Variants in IL3RA observed in about 807,000 individuals in gnomAD.
IL3RA encodes interleukin 3 receptor subunit alpha.
In IL3RA, 73 loss-of-function variants were observed where a neutral mutation model predicts 52.3. The observed-to-expected ratio is 1.40, with a 90% CI of 1.16 to 1.70. IL3RA has a LOEUF of 1.70. Ranked by LOEUF, IL3RA falls within the 40% of genes most tolerant of loss-of-function variation. The pLI, the probability that IL3RA is intolerant of heterozygous loss-of-function variation, is 0.00. For synonymous variants in IL3RA, 260 were observed against 194.0 expected, an observed-to-expected ratio of 1.34 and a Z score of -2.83; for missense variants, 664 against 504.4, an observed-to-expected ratio of 1.32 and a Z score of -3.03.
chrX:1,353,583 T>A (rs2086307845), intron 6 of IL3RA, among the ~76,000 whole-genome samples: 1 of 92,040 alleles, frequency 1.1e-5, no homozygotes, highest in Non-Finnish European at 2.2e-5. Flanking sequence ...CCATCATGGG[T>A]TCCACATGGG....
At chrX:1,356,720 C>T (rs779015290) in intron 7 of IL3RA, among the ~76,000 whole-genome samples, 8 of 150,436 alleles carry the variant, frequency 5.3e-5, no homozygotes, top group African/African-American at 2.0e-4. Flanking sequence ...TGCAGTGAGC[C>T]GAGATCGCGC....
rs748511687 is a variant in IL3RA, at chrX:1,378,628, G to A, written c.875-31G>A. On this transcript the variant is annotated intron_variant, in intron 9 of 11. Coordinates refer to ENST00000331035, the MANE Select transcript of IL3RA (RefSeq NM_002183.4). ...CCCTGGTCCCCCCAGGACGGCCCCC[G>A]GTCTGTGACCCTCTCACCCTTTACC... 2.3e-5 allele frequency: 37 copies of A among 1,591,410 alleles called. No individual in the cohort carries two copies. The Middle Eastern group carries it at 8.3e-4, about 36-fold the overall frequency.
intron 8 of IL3RA, among the ~76,000 whole-genome samples, chrX:1,360,847 C>T (rs1456618616): frequency 1.2e-4 from 18 of 151,240 alleles, no homozygotes; most frequent in African/African-American, 4.4e-4. Flanking sequence ...ATCTTTCTAG[C>T]TCTCTCCCTG....
Position 1,359,959 on chromosome X carries a change from G to A in IL3RA, c.759+1072G>A, listed in dbSNP as rs182566303. ...TGTCCCTGTCTGTTTCTCCGTGTCT[G>A]TCTCTGTATCTCTCTCCCTTTCTCC... On this transcript the variant is annotated intron_variant, in intron 8 of 11. Transcript: ENST00000331035. Among the ~76,000 whole-genome samples the A allele has an allele frequency of 3.6e-3, 492 of 135,954 alleles. 5 individuals are homozygous for A. Among genetic ancestry groups the A allele is most frequent in the African/African-American group, 0.013 (447 of 35,376 alleles). The allele number at this position is 135,954 out of a possible 152,430, so 89.2% of individuals were successfully genotyped here. A position where few individuals can be genotyped will look rare whatever the true frequency, so the allele number is the denominator to read the frequency against.
intron 2 of IL3RA, among the ~76,000 whole-genome samples, chrX:1,342,258 C>T (rs1384758129): frequency 1.5e-4 from 22 of 148,922 alleles, no homozygotes; most frequent in Admixed American, 4.0e-4. Context: ...CTCTGCCTCC[C>T]GGATTCAAGC....
chrX:1,380,430 A>T (rs868461296), intron 10 of IL3RA, among the ~76,000 whole-genome samples: 1 of 1,886 alleles, frequency 5.3e-4, no homozygotes, highest in Admixed American at 5.3e-3. Context: ...GGGGAGGGGG[A>T]GGGGGAAGGG....
intron 8 of IL3RA, among the ~76,000 whole-genome samples, chrX:1,360,901 C>T (rs1603446703): frequency 1.5e-5 from 2 of 137,870 alleles, no homozygotes; most frequent in Non-Finnish European, 3.1e-5. Flanking sequence ...CCCTTCCCCT[C>T]TCTGTCTCTC....
chrX:1,363,638 C>A (rs564024599), intron 8 of IL3RA, among the ~76,000 whole-genome samples: 1 of 151,778 alleles, frequency 6.6e-6, no homozygotes, highest in Non-Finnish European at 1.5e-5. Flanking sequence ...GCTAAGACTG[C>A]AACATATGAA....
rs201621526 is a variant in IL3RA, at chrX:1,352,410, T to G, written c.520T>G (p.Ser174Ala). 23 of 1,613,876 alleles carry G rather than the reference T, an allele frequency of 1.4e-5. No homozygotes were observed. Among genetic ancestry groups the G allele is most frequent in the Non-Finnish European group, 1.7e-5 (20 of 1,179,860 alleles). Residue 174 changes from serine to alanine, a missense_variant, in exon 6 of 12, where the codon TCC becomes GCC. Physicochemically the swap from Ser to Ala is moderately conservative, Grantham distance 99 (BLOSUM62 1). Coordinates refer to ENST00000331035, the MANE Select transcript of IL3RA (RefSeq NM_002183.4). ...GCRFDDISRLSSGSQSSHILV... is the reference protein window; with the variant it reads ...GCRFDDISRLASGSQSSHILV... ...TCGTTTCGATGACATCTCTCGACTC[T>G]CCAGCGGTTCTCAAAGTTCCCACAT... is the stretch of plus-strand genomic sequence containing the variant.
chrX:1,360,813 C>T (rs1385364257), intron 8 of IL3RA, among the ~76,000 whole-genome samples: 3 of 151,988 alleles, frequency 2.0e-5, no homozygotes, highest in African/African-American at 7.3e-5. Flanking sequence ...CAGGTGTGAG[C>T]CACCGTGCCC....
intron 7 of IL3RA, among the ~76,000 whole-genome samples, chrX:1,357,214 A>G (rs2086800902): frequency 6.6e-6 from 1 of 152,164 alleles, no homozygotes. Flanking sequence ...TCGGCCTCCC[A>G]AAGTGCTGGG....
intron 3 of IL3RA, among the ~76,000 whole-genome samples, chrX:1,347,899 T>A (rs745554296): frequency 6.6e-6 from 1 of 150,568 alleles, no homozygotes; most frequent in African/African-American, 2.5e-5. Flanking sequence ...TAGCCGGGCG[T>A]GGTGGCGGGC....
chrX:1,356,926 C>T (rs759099823), intron 7 of IL3RA, among the ~76,000 whole-genome samples: 1 of 151,982 alleles, frequency 6.6e-6, no homozygotes, highest in East Asian at 1.9e-4. Context: ...TATTTTTGAT[C>T]CACAGTTCGT....
intron 4 of IL3RA, 79 bp downstream of exon 4, chrX:1,348,624 GTCTTTTTTCTTT>G: frequency 2.3e-6 from 2 of 879,636 alleles, no homozygotes; most frequent in Non-Finnish European, 3.6e-6. Context: ...CCTTCGCTGT[GTCTTTTTTCTTT>G]TCTTTTTCTC....
At chrX:1,358,914 G>A in intron 8 of IL3RA, 27 bp downstream of exon 8, 1 of 1,588,656 alleles carries the variant, frequency 6.3e-7, no homozygotes, top group Non-Finnish European at 8.6e-7. Flanking sequence ...CCCAGCCGCT[G>A]TACTTGACAT....
At chrX:1,377,615 G>A (rs1569528174) in intron 9 of IL3RA, among the ~76,000 whole-genome samples, 1 of 151,124 alleles carries the variant, frequency 6.6e-6, no homozygotes, top group Non-Finnish European at 1.5e-5. Flanking sequence ...ATCCACCCTC[G>A]TTCCAAATAA....
chrX:1,357,972 G>A (rs2086866261), intron 7 of IL3RA, among the ~76,000 whole-genome samples: 1 of 151,640 alleles, frequency 6.6e-6, no homozygotes, highest in Non-Finnish European at 1.5e-5. Context: ...GGGCGTGGTG[G>A]CGGGCGCCTG....
intron 8 of IL3RA, among the ~76,000 whole-genome samples, chrX:1,362,328 C>CTCT (rs1569525303): frequency 5.1e-5 from 6 of 118,654 alleles, no homozygotes; most frequent in Non-Finnish European, 1.1e-4. Context: ...TCCGTCTCTC[C>CTCT]CTGTCTGTTT....
chrX:1,343,946 C>A (rs1284103180), intron 2 of IL3RA, among the ~76,000 whole-genome samples: 1 of 151,652 alleles, frequency 6.6e-6, no homozygotes, highest in East Asian at 2.0e-4. Flanking sequence ...CAGGCGCCCG[C>A]CACCACGCCC....
Sources: gnomAD v4.1 joint callset for allele counts (sites outside exome capture counted in the v4.1 genomes callset) on GRCh38, gnomAD v4.1.1 for gene constraint, MANE v1.5 for transcripts, NCBI Gene and HGNC (gene_info 2026-07-23, HGNC 2026-07-21) for gene names.